The following AGR3 variants were observed in gnomAD, a reference collection of about 807,000 sequenced individuals.
AGR3 encodes anterior gradient protein 3.
In AGR3, 37 loss-of-function variants were observed where a neutral mutation model predicts 24.5. The observed-to-expected ratio is 1.51, with a 90% CI of 1.16 to 1.99. The LOEUF is 1.99. AGR3 is among the 30% of genes most tolerant of loss of function. AGR3 has a pLI of 0.00. For synonymous variants in AGR3, 75 were observed against 61.6 expected (o/e 1.22, Z -1.02); for missense variants, 228 against 191.1 (o/e 1.19, Z -1.14).
intron 3 of AGR3, among the ~76,000 whole-genome samples, chr7:16,864,085 A>T (rs556059461): frequency 6.6e-6 from 1 of 152,288 alleles, no homozygotes; most frequent in African/African-American, 2.4e-5. Context: ...TGAAAGCTTG[A>T]TCTTCTATTT....
At position 16,863,245 on chromosome 7, in the gene AGR3, T is replaced by G. The variant is rs183080916; in HGVS notation, c.174-583A>C. On this transcript the variant is annotated intron_variant, in intron 3 of 7. Coordinates refer to ENST00000310398, the MANE Select transcript of AGR3 (RefSeq NM_176813.5). The stretch of plus-strand genomic sequence containing the variant: ...TCTGTATCCAGAGATAAAGGGTTAT[T>G]ATGAACAATGTATTCATTTCCAATG... 3.4e-3 allele frequency among the ~76,000 whole-genome samples: 521 copies of G among 152,316 alleles called. 1 individual carries two copies. The highest frequency in any genetic ancestry group is 0.017 in the Middle Eastern group (5 of 294).
intron 3 of AGR3, among the ~76,000 whole-genome samples, chr7:16,867,532 C>T (rs1045305082): frequency 2.0e-5 from 3 of 152,092 alleles, no homozygotes; most frequent in Non-Finnish European, 4.4e-5. Flanking sequence ...TTAAAATTTA[C>T]TGTCAGCAAT....
intron 2 of AGR3, among the ~76,000 whole-genome samples, chr7:16,877,877 AG>A (rs1353300844): frequency 1.3e-4 from 13 of 97,856 alleles, no homozygotes; most frequent in South Asian, 3.0e-4. Context: ...AAAAAAAAAA[AG>A]AGAGAATTTT....
chr7:16,878,686 T>G, intron 1 of AGR3, 41 bp from the exon 2 acceptor site: 1 of 1,353,316 alleles, frequency 7.4e-7, no homozygotes, highest in Non-Finnish European at 1.1e-6. Context: ...AGTGAATTAC[T>G]TCAAGCTATT....
Position 16,864,653 on chromosome 7 carries a change from G to T in AGR3, c.174-1991C>A, listed in dbSNP as rs1047102434. 1.8e-5 allele frequency: 28 copies of T among 1,582,628 alleles called. No homozygotes were observed. The African/African-American group carries it at 3.5e-4, about 20-fold the overall frequency. On this transcript the variant is annotated intron_variant, in intron 3 of 7. Transcript: ENST00000310398. ...AGCTGAGTTTGGAGGCATAAAGCTGGTAGGCAGAAGTCAGGAAAAAGTGCT... is the reference window on the plus strand; with the variant it reads ...AGCTGAGTTTGGAGGCATAAAGCTGTTAGGCAGAAGTCAGGAAAAAGTGCT...
At chr7:16,860,020 C>G (rs1223570415) in intron 7 of AGR3, among the ~76,000 whole-genome samples, 3 of 151,412 alleles carry the variant, frequency 2.0e-5, no homozygotes, top group East Asian at 3.9e-4. Context: ...TTTTGGGAGG[C>G]TGAGGTGGGA....
intron 1 of AGR3, among the ~76,000 whole-genome samples, chr7:16,879,775 G>C (rs1291567359): frequency 6.6e-6 from 1 of 152,148 alleles, no homozygotes; most frequent in African/African-American, 2.4e-5. Context: ...AGATATATAA[G>C]ACACAATGTT....
chr7:16,868,848 C>A (rs373899035), intron 3 of AGR3, among the ~76,000 whole-genome samples: 1 of 152,108 alleles, frequency 6.6e-6, no homozygotes, highest in Non-Finnish European at 1.5e-5. Flanking sequence ...ATTTCAATGG[C>A]TGAATAGTAT....
chr7:16,865,093 T>G (rs573470263), intron 3 of AGR3: 12 of 751,390 alleles, frequency 1.6e-5, no homozygotes, highest in Admixed American at 1.4e-4. Context: ...GCTCTTTTAC[T>G]GTATAAAATT....
At chr7:16,866,020 G>A (rs1781752252) in intron 3 of AGR3, 5 of 649,870 alleles carry the variant, frequency 7.7e-6, no homozygotes, top group Admixed American at 4.6e-5. Flanking sequence ...TAACTTTCTG[G>A]TTTATATTTA....
chr7:16,855,394 T>TTAGCAAAAA (rs1305459289), downstream of AGR3, among the ~76,000 whole-genome samples: 43,250 of 151,978 alleles, frequency 0.28, 6,405 homozygotes, highest in South Asian at 0.39. Context: ...ATCACTAAAC[T>TTAGCAAAAA]TCTAGAATTC....
At chr7:16,862,227 G>T (rs1207128090) in intron 4 of AGR3, among the ~76,000 whole-genome samples, 167 bp from the exon 5 acceptor site, 1 of 152,148 alleles carries the variant, frequency 6.6e-6, no homozygotes, top group Non-Finnish European at 1.5e-5. Context: ...GGAAAGCAAT[G>T]AGGGACAGTC....
intron 3 of AGR3, among the ~76,000 whole-genome samples, chr7:16,863,105 C>T (rs1038611630): frequency 1.3e-5 from 2 of 152,180 alleles, no homozygotes; most frequent in African/African-American, 4.8e-5. Flanking sequence ...AAGGCTTCAT[C>T]CCAGACCCAC....
chr7:16,868,299 G>A (rs112087995), intron 3 of AGR3, among the ~76,000 whole-genome samples: 4 of 152,152 alleles, frequency 2.6e-5, no homozygotes, highest in African/African-American at 9.6e-5. Flanking sequence ...GGGATTAAAG[G>A]CATGCACCAC....
intron 3 of AGR3, among the ~76,000 whole-genome samples, chr7:16,870,909 T>C (rs1461873932): frequency 6.6e-6 from 1 of 152,196 alleles, no homozygotes; most frequent in African/African-American, 2.4e-5. Context: ...TCTTAATTTA[T>C]CTTTAAAGAG....
chr7:16,872,364 C>T (rs933201067), intron 3 of AGR3, among the ~76,000 whole-genome samples: 1 of 152,064 alleles, frequency 6.6e-6, no homozygotes. Flanking sequence ...GGAAAGGACA[C>T]CCTCTTCAAT....
At position 16,859,512 on chromosome 7, in the gene AGR3, T is replaced by G; in HGVS notation, c.*70A>C. 9.8e-7 allele frequency: 1 copy of G among 1,024,054 alleles called. No individual in the cohort carries two copies. The highest frequency in any genetic ancestry group is 2.6e-5 in the East Asian group (1 of 39,060). The allele number at this position is 1,024,054 out of a possible 1,614,324, so 63.4% of individuals were successfully genotyped here. A position where few individuals can be genotyped will look rare whatever the true frequency, so the allele number is the denominator to read the frequency against. ...TCTATATACTTGCACATTTAGTATTTGTCAATGTGCCAGAGGTTTTCTTCA... is the reference window on the plus strand; with the variant it reads ...TCTATATACTTGCACATTTAGTATTGGTCAATGTGCCAGAGGTTTTCTTCA... On this transcript the variant is annotated 3_prime_UTR_variant, in exon 8 of 8. Transcript: ENST00000310398.
intron 3 of AGR3, chr7:16,864,191 A>C: frequency 1.1e-6 from 1 of 881,174 alleles, no homozygotes; most frequent in South Asian, 1.7e-5. Context: ...GAAGTATATT[A>C]ACTCTGCTGA....
At chr7:16,861,701 G>A (rs1413896204) in intron 5 of AGR3, among the ~76,000 whole-genome samples, 1 of 151,976 alleles carries the variant, frequency 6.6e-6, no homozygotes, top group Non-Finnish European at 1.5e-5. Flanking sequence ...AGGAGTTTGA[G>A]ACCAGCCTAA....
Sources: gnomAD v4.1 joint callset for allele counts (sites outside exome capture counted in the v4.1 genomes callset) on GRCh38, gnomAD v4.1.1 for gene constraint, MANE v1.5 for transcripts, NCBI Gene and HGNC (gene_info 2026-07-23, HGNC 2026-07-21) for gene names.